EEF1AKMT2: variants seen among roughly 807,000 people sequenced by gnomAD.
The protein encoded by EEF1AKMT2 is EEF1A lysine methyltransferase 2, also known as eukaryotic translation elongation factor 1 alpha lysine methyltransferase 2.
In EEF1AKMT2, 32 loss-of-function variants were observed where a neutral mutation model predicts 35.8. The ratio of observed to expected loss-of-function variants is 0.89; its 90% CI spans 0.67 to 1.20. The LOEUF is 1.20. Among genes scored for constraint, EEF1AKMT2 ranks in the 50% most tolerant of loss-of-function variants. The pLI is 0.00. For missense variants in EEF1AKMT2, 330 were observed against 347.5 expected, an observed-to-expected ratio of 0.95 and a Z score of 0.40; for synonymous variants, 121 against 133.7, an observed-to-expected ratio of 0.91 and a Z score of 0.65.
intron 3 of EEF1AKMT2, chr10:124,783,089 T>C: frequency 4.2e-6 from 1 of 240,796 alleles, no homozygotes; most frequent in South Asian, 4.6e-5. Flanking sequence ...ATGGCTATAA[T>C]TTAAAAGATA....
At chr10:124,772,420 C>CTTTTTTT (rs59707540) in intron 4 of EEF1AKMT2, among the ~76,000 whole-genome samples, 36 of 75,418 alleles carry the variant, frequency 4.8e-4, no homozygotes, top group African/African-American at 9.9e-4. Flanking sequence ...TTTTCTTTTT[C>CTTTTTTT]TTTTTTTTTT....
chr10:124,757,993 T>C lies in EEF1AKMT2; in HGVS notation c.*2510A>G, dbSNP rs1281617400. The C allele has an allele frequency of 5.3e-5, 8 of 152,214 alleles. No individual in the cohort carries two copies. The highest frequency in any genetic ancestry group is 1.9e-4 in the African/African-American group (8 of 41,466). 9.4% of individuals were successfully genotyped at this position (152,214 alleles called of 1,614,324 possible). A position where few individuals can be genotyped will look rare whatever the true frequency, so the allele number is the denominator to read the frequency against. Reference sequence around the variant, plus strand: ...TTTGTTAATTGGGATAACCCACCCATTCAGGCCTCAATTCCCTTTGGACTT... The same window carrying C: ...TTTGTTAATTGGGATAACCCACCCACTCAGGCCTCAATTCCCTTTGGACTT... On this transcript the variant is annotated 3_prime_UTR_variant, in exon 7 of 7. Transcript: ENST00000368836.
chr10:124,756,906 A>G (rs957412502), downstream of EEF1AKMT2, among the ~76,000 whole-genome samples: 25 of 152,286 alleles, frequency 1.6e-4, no homozygotes, highest in East Asian at 4.4e-3. Context: ...GGTGTATATG[A>G]AGAATAAATT....
chr10:124,779,747 C>CAAAA lies in EEF1AKMT2; in HGVS notation c.292-4969_292-4966dup, dbSNP rs34475748. 2.7e-3 allele frequency among the ~76,000 whole-genome samples: 76 copies of CAAAA among 28,190 alleles called. 16 individuals carry two copies. The highest frequency in any genetic ancestry group is 3.6e-3 in the Non-Finnish European group (56 of 15,614). The allele number at this position is 28,190 out of a possible 152,430, so 18.5% of individuals were successfully genotyped here. A position where few individuals can be genotyped will look rare whatever the true frequency, so the allele number is the denominator to read the frequency against. ...TGGGCGACAGAGCGAGACTCCATCT[C>CAAAA]AAAAAAAAAAAAAAAAAAAAAAAGA... On this transcript the variant is annotated intron_variant, in intron 3 of 6. Coordinates refer to ENST00000368836, the MANE Select transcript of EEF1AKMT2 (RefSeq NM_212554.4).
intron 4 of EEF1AKMT2, among the ~76,000 whole-genome samples, chr10:124,767,343 C>T (rs1041058420): frequency 1.3e-5 from 2 of 150,768 alleles, no homozygotes; most frequent in African/African-American, 4.9e-5. Flanking sequence ...GAAACCCTGT[C>T]TCTACTAAAA....
At chr10:124,781,179 C>T (rs1331809090) in intron 3 of EEF1AKMT2, among the ~76,000 whole-genome samples, 2 of 151,922 alleles carry the variant, frequency 1.3e-5, no homozygotes, top group South Asian at 2.1e-4. Flanking sequence ...CTCCCGACCT[C>T]GTGATCTGCC....
intron 1 of EEF1AKMT2, among the ~76,000 whole-genome samples, 176 bp downstream of exon 1, chr10:124,791,548 C>A (rs539595128): frequency 5.1e-4 from 77 of 152,302 alleles, no homozygotes; most frequent in Non-Finnish European, 9.4e-4. Context: ...GTAGGGCGAC[C>A]CCTAGGGATT....
At position 124,784,618 on chromosome 10, in the gene EEF1AKMT2, A is replaced by G. The variant is rs7079677; in HGVS notation, c.291+4425T>C. On this transcript the variant is annotated intron_variant, in intron 3 of 6. Transcript: ENST00000368836. Reference sequence around the variant, plus strand: ...AATCAGGAAGAAAAAAAAAAAGAACAGAACTCAATGAAATTAAAAACATAA... The same window carrying G: ...AATCAGGAAGAAAAAAAAAAAGAACGGAACTCAATGAAATTAAAAACATAA... Among the ~76,000 whole-genome samples, 666 of 152,202 alleles carry G rather than the reference A, an allele frequency of 4.4e-3. 4 individuals are homozygous for G. The highest frequency in any genetic ancestry group is 0.015 in the African/African-American group (619 of 41,558).
At chr10:124,778,046 C>G (rs1950502843) in intron 3 of EEF1AKMT2, among the ~76,000 whole-genome samples, 1 of 151,902 alleles carries the variant, frequency 6.6e-6, no homozygotes, top group Middle Eastern at 3.4e-3. Context: ...ACAAAATTAG[C>G]CAGGCGTGGT....
intron 3 of EEF1AKMT2, among the ~76,000 whole-genome samples, chr10:124,776,076 C>G (rs1289842110): frequency 6.6e-6 from 1 of 152,062 alleles, no homozygotes; most frequent in Non-Finnish European, 1.5e-5. Flanking sequence ...CGCCACCACG[C>G]CCAGCTAATT....
chr10:124,769,248 A>ATATATATATATATATATATATGTG (rs60863408), intron 4 of EEF1AKMT2, among the ~76,000 whole-genome samples: 38 of 63,792 alleles, frequency 6.0e-4, no homozygotes, highest in African/African-American at 1.7e-3. Flanking sequence ...ATATATATAT[A>ATATATATATATATATATATATGTG]TGTGTGTATA....
intron 3 of EEF1AKMT2, among the ~76,000 whole-genome samples, chr10:124,779,515 G>A (rs1243895910): frequency 6.6e-6 from 1 of 151,674 alleles, no homozygotes; most frequent in Admixed American, 6.6e-5. Flanking sequence ...GGGAGGCCGA[G>A]GCGGGTGGAT....
intron 4 of EEF1AKMT2, among the ~76,000 whole-genome samples, chr10:124,769,881 GGTT>G: frequency 7.3e-6 from 1 of 136,916 alleles, no homozygotes; most frequent in Non-Finnish European, 1.5e-5. Context: ...GGGAGGCAGA[GGTT>G]GTGGTGAGCC....
intron 4 of EEF1AKMT2, 194 bp from the exon 5 acceptor site, chr10:124,765,802 T>C: frequency 1.9e-6 from 1 of 523,218 alleles, no homozygotes; most frequent in South Asian, 2.5e-5. Flanking sequence ...CCAAGATTAA[T>C]AAGAGAGACT....
chr10:124,777,822 T>G (rs1411436490), intron 3 of EEF1AKMT2, among the ~76,000 whole-genome samples: 1 of 151,998 alleles, frequency 6.6e-6, no homozygotes, highest in Non-Finnish European at 1.5e-5. Flanking sequence ...CATGAGCCAC[T>G]GTGCCCAGCC....
intron 5 of EEF1AKMT2, 47 bp downstream of exon 5, chr10:124,765,345 A>G (rs539566467): frequency 2.7e-6 from 4 of 1,504,476 alleles, no homozygotes; most frequent in African/African-American, 1.4e-5. Context: ...ATTTAAGTAC[A>G]TGAAACCTGA....
intron 2 of EEF1AKMT2, 71 bp from the exon 3 acceptor site, chr10:124,789,228 ATT>A (rs1950614086): frequency 1.1e-6 from 1 of 928,100 alleles, no homozygotes; most frequent in African/African-American, 1.7e-5. Context: ...CATTTAAGCT[ATT>A]TATACCATAT....
rs929982066 is a variant in EEF1AKMT2 at position 124,759,420 on chromosome 10, T to A, written c.*1083A>T. ...CAGAGTTGGCTGACTGCTATTCTGA[T>A]ACTCCACAGATGAACACTAATAAAG... On this transcript the variant is annotated 3_prime_UTR_variant, in exon 7 of 7. Transcript: ENST00000368836. The A allele has an allele frequency of 6.6e-6, 1 of 152,198 alleles. No individual in the cohort carries two copies. The highest frequency in any genetic ancestry group is 1.5e-5 in the Non-Finnish European group (1 of 68,032). 9.4% of individuals were successfully genotyped at this position (152,198 alleles called of 1,614,324 possible). A position where few individuals can be genotyped will look rare whatever the true frequency, so the allele number is the denominator to read the frequency against.
intron 5 of EEF1AKMT2, 103 bp downstream of exon 5, chr10:124,765,289 C>T: frequency 1.0e-6 from 1 of 965,522 alleles, no homozygotes; most frequent in African/African-American, 1.6e-5. Context: ...GCAATTCCCA[C>T]AAATAGAAAA....
Sources: gnomAD v4.1 joint callset for allele counts (sites outside exome capture counted in the v4.1 genomes callset) on GRCh38, gnomAD v4.1.1 for gene constraint, MANE v1.5 for transcripts, NCBI Gene and HGNC (gene_info 2026-07-23, HGNC 2026-07-21) for gene names.